ITGA6: variants seen among roughly 807,000 people sequenced by gnomAD.
The protein encoded by ITGA6 is integrin subunit alpha 6.
A neutral mutation model predicts 133.6 loss-of-function variants in ITGA6; 63 were observed. The observed-to-expected ratio is 0.47, with a 90% confidence interval of 0.38 to 0.58. The LOEUF is 0.58. Among genes scored for constraint, ITGA6 ranks in the 20% least tolerant of loss-of-function variants. ITGA6 has a pLI of 0.00. For synonymous variants in ITGA6, 434 were observed against 482.0 expected, an observed-to-expected ratio of 0.90 and a Z score of 1.30; for missense variants, 1,068 against 1,309.4, an observed-to-expected ratio of 0.82 and a Z score of 2.85.
chr2:172,494,528 C>T (rs1687053392), intron 23 of ITGA6, among the ~76,000 whole-genome samples: 1 of 152,104 alleles, frequency 6.6e-6, no homozygotes, highest in Admixed American at 6.5e-5. Flanking sequence ...ATAAAAAACA[C>T]TTCTAAATTA....
intron 6 of ITGA6, 64 bp downstream of exon 6, chr2:172,474,329 C>T: frequency 7.1e-7 from 1 of 1,400,816 alleles, no homozygotes; most frequent in Non-Finnish European, 1.0e-6. Context: ...TTCTATACGA[C>T]TGGAGAAGAG....
intron 2 of ITGA6, 76 bp downstream of exon 2, chr2:172,465,739 A>G (rs572402615): frequency 6.3e-7 from 1 of 1,581,976 alleles, no homozygotes; most frequent in East Asian, 2.2e-5. Context: ...GAGAGTGGGG[A>G]CAAACATTTA....
At chr2:172,469,589 GTACTT>G (rs774619628) in intron 4 of ITGA6, among the ~76,000 whole-genome samples, 4 of 152,116 alleles carry the variant, frequency 2.6e-5, no homozygotes, top group Admixed American at 6.5e-5. Context: ...CCCTCTACCA[GTACTT>G]TACTTTAATT....
chr2:172,468,991 C>T (rs981006310), intron 3 of ITGA6, 134 bp from the exon 4 acceptor site: 49 of 929,952 alleles, frequency 5.3e-5, no homozygotes, highest in Non-Finnish European at 6.8e-5. Flanking sequence ...GTCTGGGATC[C>T]GGTCCCAAGA....
At chr2:172,438,252 T>G (rs1339636279) in intron 1 of ITGA6, among the ~76,000 whole-genome samples, 1 of 151,548 alleles carries the variant, frequency 6.6e-6, no homozygotes, top group African/African-American at 2.4e-5. Flanking sequence ...CCTCACCAAC[T>G]GAGTAGGTGA....
chr2:172,503,813 T>C (rs1021580013), intron 25 of ITGA6: 2 of 229,988 alleles, frequency 8.7e-6, no homozygotes, highest in African/African-American at 4.5e-5. Context: ...CATAAACTCT[T>C]AAATTGTTAG....
chr2:172,465,468 A>G, intron 1 of ITGA6, 71 bp from the exon 2 acceptor site: 2 of 1,546,742 alleles, frequency 1.3e-6, no homozygotes, highest in African/African-American at 1.4e-5. Flanking sequence ...ACTATCTCCT[A>G]GTTCTGACTG....
chr2:172,481,241 A>G (rs1275487771), intron 11 of ITGA6, among the ~76,000 whole-genome samples: 1 of 152,202 alleles, frequency 6.6e-6, no homozygotes, highest in Non-Finnish European at 1.5e-5. Context: ...AGTTTTCTTT[A>G]TTTAAAAAGA....
In ITGA6 at chr2:172,492,291, T is replaced by A. The variant is rs183586500; in HGVS notation, c.2988+768T>A. Among the ~76,000 whole-genome samples, 12 of 152,378 alleles carry A rather than the reference T, an allele frequency of 7.9e-5. No homozygotes were observed. The East Asian group carries it at 1.9e-3, about 24-fold the overall frequency. On this transcript the variant is annotated intron_variant, in intron 23 of 25. Transcript: ENST00000684293. ...GCAGCATGTTTGAATTTCTAGCAGC[T>A]GCTATTTTTGTGTTAGTGTTCTACT...
rs778423138 is a variant in ITGA6 at position 172,491,229 on chromosome 2, C to T, written c.2787C>T (p.Ser929=). The T allele has an allele frequency of 1.6e-5, 26 of 1,602,994 alleles. No individual in the cohort carries two copies. The highest frequency in any genetic ancestry group is 4.5e-5 in the East Asian group (2 of 44,824). ...AERKYQTLNC[S]VNVNCVNIRC... ...CTTCTTTTTCTCTCTAGAACTGTAG[C>T]GTGAACGTGAACTGTGTGAACATCA... Residue 929 remains serine (S), a synonymous_variant, in exon 22 of 26, where the codon AGC becomes AGT. Transcript: ENST00000684293. The surrounding 1 kb of genome is among the most constrained non-coding windows in gnomAD (Gnocchi z 4.4).
intron 2 of ITGA6, 92 bp downstream of exon 2, chr2:172,465,755 G>C: frequency 1.3e-6 from 2 of 1,529,572 alleles, no homozygotes; most frequent in South Asian, 2.2e-5. Flanking sequence ...ATTTATTCTT[G>C]TAGAGAGGAC....
In ITGA6 at chr2:172,504,266, A is replaced by C; in HGVS notation, c.*198A>C. On this transcript the variant is annotated 3_prime_UTR_variant, in exon 26 of 26. Coordinates refer to ENST00000684293, the MANE Select transcript of ITGA6 (RefSeq NM_000210.4). The stretch of plus-strand genomic sequence containing the variant: ...AGCTACTCATAGCGGGGGCCTAAAA[A>C]AAAAAAGCTTCACAGTACCCAAACT... 1 of 1,529,294 alleles carries C rather than the reference A, an allele frequency of 6.5e-7. No homozygotes were observed. The highest frequency in any genetic ancestry group is 8.8e-7 in the Non-Finnish European group (1 of 1,142,506). 94.7% of individuals were successfully genotyped at this position (1,529,294 alleles called of 1,614,324 possible). A position where few individuals can be genotyped will look rare whatever the true frequency, so the allele number is the denominator to read the frequency against.
chr2:172,450,712 T>C (rs928512639), intron 1 of ITGA6, among the ~76,000 whole-genome samples: 1 of 151,632 alleles, frequency 6.6e-6, no homozygotes, highest in African/African-American at 2.4e-5. Flanking sequence ...CCCAGCACTT[T>C]GGGAGGCTGA....
In ITGA6 at chr2:172,450,264, T is replaced by G. The variant is rs151047942; in HGVS notation, c.183-15275T>G. Among the ~76,000 whole-genome samples the G allele has an allele frequency of 5.4e-3, 815 of 152,260 alleles. 6 individuals are homozygous for G. Among genetic ancestry groups the G allele is most frequent in the African/African-American group, 0.019 (781 of 41,544 alleles). ...GAATGATGTGATATGACCTGAGATG[T>G]GCAAAGAACAGCAGTTGCAAAGAAC... On this transcript the variant is annotated intron_variant, in intron 1 of 25. Transcript: ENST00000684293.
chr2:172,451,789 C>T lies in ITGA6; in HGVS notation c.183-13750C>T, dbSNP rs1351704842. 5.9e-5 allele frequency among the ~76,000 whole-genome samples: 9 copies of T among 152,018 alleles called. No homozygotes were observed. The East Asian group carries it at 1.4e-3, about 23-fold the overall frequency. The stretch of plus-strand genomic sequence containing the variant: ...CTTGTACATCCATCTACCTTGCTGT[C>T]GTGATCGACCCTTATGTTTGTGTTT... On this transcript the variant is annotated intron_variant, in intron 1 of 25. Coordinates refer to ENST00000684293, the MANE Select transcript of ITGA6 (RefSeq NM_000210.4).
chr2:172,444,595 GC>G (rs1684676939), intron 1 of ITGA6, among the ~76,000 whole-genome samples: 1 of 38,078 alleles, frequency 2.6e-5, no homozygotes, highest in Non-Finnish European at 5.2e-5. Context: ...CCCGCCCCCC[GC>G]CCCCCGCCAA....
chr2:172,497,579 T>G (rs192799614), intron 23 of ITGA6, among the ~76,000 whole-genome samples: 11 of 151,840 alleles, frequency 7.2e-5, no homozygotes, highest in African/African-American at 2.2e-4. Context: ...GGCTGTTAGA[T>G]CTATTTAACT....
intron 1 of ITGA6, among the ~76,000 whole-genome samples, chr2:172,430,604 A>G (rs948406156): frequency 6.6e-6 from 1 of 152,248 alleles, no homozygotes; most frequent in African/African-American, 2.4e-5. Flanking sequence ...GCCTTTAACT[A>G]TTCAGTCACA....
In ITGA6 at chr2:172,475,014, C is replaced by A; in HGVS notation, c.1072C>A (p.Gln358Lys). Reference sequence around the variant, plus strand: ...TGCAGTGTATGTCTACATGAACCAGCAAGGCAGATGGAATAATGTGAAGCC... The same window carrying A: ...TGCAGTGTATGTCTACATGAACCAGAAAGGCAGATGGAATAATGTGAAGCC... ...GGAVYVYMNQ[Q>K]GRWNNVKPIR... The change falls in exon 7 of 26, where the codon CAA (glutamine) becomes AAA (lysine). Residue 358 changes from glutamine (Q) to lysine (K), a missense_variant. Transcript: ENST00000684293. The A allele has an allele frequency of 6.3e-7, 1 of 1,592,204 alleles. No homozygotes were observed. The highest frequency in any genetic ancestry group is 8.6e-7 in the Non-Finnish European group (1 of 1,160,046).
Sources: allele counts gnomAD v4.1 joint callset (sites outside exome capture counted in the v4.1 genomes callset), GRCh38; gene constraint gnomAD v4.1.1; non-coding constraint Gnocchi (gnomAD v3.1); transcripts MANE v1.5; gene names NCBI Gene and HGNC (gene_info 2026-07-23, HGNC 2026-07-21).